Variants in CEP57L1 observed in about 807,000 individuals in gnomAD.
CEP57L1 encodes the protein centrosomal protein 57 like 1, also known as centrosomal protein CEP57L1.
CEP57L1 carries 37 observed loss-of-function variants against 61.0 expected under a neutral mutation model. The ratio of observed to expected loss-of-function variants is 0.61; its 90% CI spans 0.47 to 0.80. The LOEUF (loss-of-function observed/expected upper bound fraction) is 0.80. CEP57L1 is among the 30% of genes least tolerant of loss of function. The probability of loss-of-function intolerance (pLI) is 0.00; values close to 1 mark genes in which losing one functional copy is unlikely to be tolerated. For synonymous variants in CEP57L1, 137 were observed against 162.3 expected, an observed-to-expected ratio of 0.84 and a Z score of 1.19; for missense variants, 422 against 524.7, an observed-to-expected ratio of 0.80 and a Z score of 1.91.
At chr6:109,112,705 G>A (rs1211163086) in intron 1 of CEP57L1, among the ~76,000 whole-genome samples, 1 of 152,074 alleles carries the variant, frequency 6.6e-6, no homozygotes, top group African/African-American at 2.4e-5. Flanking sequence ...ATTCTGGTAC[G>A]TTGTGTCTTT....
intron 1 of CEP57L1, among the ~76,000 whole-genome samples, chr6:109,119,641 A>T (rs1417135843): frequency 6.6e-6 from 1 of 152,208 alleles, no homozygotes; most frequent in African/African-American, 2.4e-5. Flanking sequence ...TTGACAAAAA[A>T]ATATTATCTT....
chr6:109,122,732 G>T (rs934680186), intron 1 of CEP57L1, among the ~76,000 whole-genome samples: 1 of 152,068 alleles, frequency 6.6e-6, no homozygotes, highest in Non-Finnish European at 1.5e-5. Context: ...AACCCAACCC[G>T]GGAGGCGTAG....
At chr6:109,108,876 A>C (rs1290666075) in intron 1 of CEP57L1, among the ~76,000 whole-genome samples, 1 of 152,218 alleles carries the variant, frequency 6.6e-6, no homozygotes, top group Non-Finnish European at 1.5e-5. Flanking sequence ...GTACTTTTGA[A>C]GGTACACTAA....
At chr6:109,142,345 G>A (rs1771474491) in intron 1 of CEP57L1, among the ~76,000 whole-genome samples, 1 of 152,152 alleles carries the variant, frequency 6.6e-6, no homozygotes, top group Non-Finnish European at 1.5e-5. Context: ...ATCATCCTTG[G>A]CAACCTAACA....
intron 7 of CEP57L1, chr6:109,156,471 G>C (rs1335812870): frequency 1.3e-5 from 2 of 152,048 alleles, no homozygotes; most frequent in African/African-American, 4.8e-5. Flanking sequence ...GTACTTTATA[G>C]ACCAATATTT....
rs1273795059 is a variant in CEP57L1, at chr6:109,145,381, G to T, written c.160G>T (p.Ala54Ser). 4 of 1,557,846 alleles carry T rather than the reference G, an allele frequency of 2.6e-6. No homozygotes were observed. The South Asian group carries it at 4.9e-5, about 19-fold the overall frequency. ...GATACTTCATAGCCCAAATAGCCAA[G>T]GTAATGCTGATATAAAATTTGAAGA... ...PKILHSPNSQ[A>S]LILALKTLQE... Residue 54 changes from alanine to serine, a missense_variant and splice_region_variant, in exon 2 of 11, where the codon GCT (alanine) becomes TCT (serine). By Grantham distance (99) the Ala-to-Ser change is moderately conservative. Coordinates refer to ENST00000517392, the MANE Select transcript of CEP57L1 (RefSeq NM_001271852.3).
At position 109,174,109 on chromosome 6, in the gene CEP57L1, A is replaced by AAAAAAAAAAAAC. The variant is rs759389630; in HGVS notation, c.*11144_*11145insAAAAAACAAAAA. Among the ~76,000 whole-genome samples the AAAAAAAAAAAAC allele has an allele frequency of 4.0e-4, 59 of 148,348 alleles. 1 individual carries two copies. Among genetic ancestry groups the AAAAAAAAAAAAC allele is most frequent in the South Asian group, 3.2e-3 (15 of 4,652 alleles). ...AGTGAGTCTTGGTCTCAAAAAAAAAAAAAAACCTTGTGTTGGAAACCATCT... is the reference window on the plus strand; with the variant it reads ...AGTGAGTCTTGGTCTCAAAAAAAAAAAAAAAAAAAAACAAAAACCTTGTGTTGGAAACCATCT... On this transcript the variant is annotated 3_prime_UTR_variant, in exon 11 of 11. Coordinates refer to ENST00000517392, the MANE Select transcript of CEP57L1 (RefSeq NM_001271852.3).
At chr6:109,113,258 C>G (rs890630759) in intron 1 of CEP57L1, among the ~76,000 whole-genome samples, 1 of 152,028 alleles carries the variant, frequency 6.6e-6, no homozygotes, top group African/African-American at 2.4e-5. Context: ...TCATAATTTT[C>G]TTTGTAACAT....
intron 1 of CEP57L1, among the ~76,000 whole-genome samples, chr6:109,119,747 T>C (rs1025085384): frequency 3.3e-5 from 5 of 152,222 alleles, no homozygotes; most frequent in Middle Eastern, 3.4e-3. Context: ...GGTGTAAAAA[T>C]TAGGTTTGTG....
At chr6:109,152,635 G>A (rs904897936) in intron 4 of CEP57L1, among the ~76,000 whole-genome samples, 5 of 75,572 alleles carry the variant, frequency 6.6e-5, no homozygotes, top group Admixed American at 3.6e-4. Flanking sequence ...AGATGTGCGT[G>A]CGTGTGTGTG....
Position 109,113,611 on chromosome 6 carries a change from A to G in CEP57L1, c.-4+18036A>G, listed in dbSNP as rs117790413. ...TATGATGTCAAAGATTATAAGTCAC[A>G]GCATTATTTTATGTATCACAAAGAA... On this transcript the variant is annotated intron_variant, in intron 1 of 10. Transcript: ENST00000517392. Among the ~76,000 whole-genome samples the G allele has an allele frequency of 5.0e-4, 76 of 152,326 alleles. 2 individuals carry two copies. The East Asian group carries it at 0.015, about 29-fold the overall frequency.
chr6:109,115,053 G>T (rs1280546718), intron 1 of CEP57L1, among the ~76,000 whole-genome samples: 1 of 151,942 alleles, frequency 6.6e-6, no homozygotes, highest in East Asian at 1.9e-4. Flanking sequence ...AAATTAATCA[G>T]ATAAACCATG....
In CEP57L1 at chr6:109,171,403, T is replaced by C; in HGVS notation, c.*8433T>C. On this transcript the variant is annotated 3_prime_UTR_variant, in exon 11 of 11. Transcript: ENST00000517392. ...ACAGGCATGCGTCACCACACCCGGC[T>C]GTTTTTTTTTTTCGCATTTTTAATA... 6.7e-6 allele frequency among the ~76,000 whole-genome samples: 1 copy of C among 148,884 alleles called. No homozygotes were observed. Among genetic ancestry groups the C allele is most frequent in the African/African-American group, 2.6e-5 (1 of 38,952 alleles).
chr6:109,113,887 C>G (rs893641141), intron 1 of CEP57L1, among the ~76,000 whole-genome samples: 10 of 152,068 alleles, frequency 6.6e-5, no homozygotes, highest in African/African-American at 2.4e-4. Flanking sequence ...TAAAGGAAGG[C>G]AAATGGGTAC....
In CEP57L1 at chr6:109,158,862, T is replaced by C; in HGVS notation, c.745-163T>C. 1.2e-5 allele frequency: 8 copies of C among 650,858 alleles called. No homozygotes were observed. In the South Asian group the frequency reaches 1.6e-4, roughly 13 times the overall value. 40.3% of individuals were successfully genotyped at this position (650,858 alleles called of 1,614,324 possible). ...ATAATTAATGATGTTGAATATCTTTTCGTATGTTTGTCATACGTATGTCTA... is the reference window on the plus strand; with the variant it reads ...ATAATTAATGATGTTGAATATCTTTCCGTATGTTTGTCATACGTATGTCTA... On this transcript the variant is annotated intron_variant, in intron 7 of 10. Transcript: ENST00000517392.
chr6:109,122,966 A>G (rs1773147489), intron 1 of CEP57L1, among the ~76,000 whole-genome samples: 1 of 152,188 alleles, frequency 6.6e-6, no homozygotes. Flanking sequence ...ACTTTAATTT[A>G]TATAAGAATC....
At chr6:109,118,107 C>G (rs970240363) in intron 1 of CEP57L1, among the ~76,000 whole-genome samples, 1 of 152,226 alleles carries the variant, frequency 6.6e-6, no homozygotes, top group Non-Finnish European at 1.5e-5. Flanking sequence ...ACGGTCTCGG[C>G]TCACTGCAAC....
chr6:109,148,362 T>C (rs1198655376), intron 3 of CEP57L1, among the ~76,000 whole-genome samples: 6 of 151,562 alleles, frequency 4.0e-5, no homozygotes, highest in African/African-American at 1.5e-4. Context: ...AGTGAGAACA[T>C]GCGGTGTTTG....
rs1411336375 is a variant in CEP57L1, at chr6:109,171,325, G to A, written c.*8355G>A. 3.3e-5 allele frequency among the ~76,000 whole-genome samples: 5 copies of A among 150,676 alleles called. No homozygotes were observed. The highest frequency in any genetic ancestry group is 9.8e-5 in the African/African-American group (4 of 40,868). On this transcript the variant is annotated 3_prime_UTR_variant, in exon 11 of 11. Transcript: ENST00000517392. ...GCGATCTCAGCTCACTGCAACCTCCGCCTCCCAGGTTCAAGCGATTCTTCT... is the reference window on the plus strand; with the variant it reads ...GCGATCTCAGCTCACTGCAACCTCCACCTCCCAGGTTCAAGCGATTCTTCT...
Sources: gnomAD v4.1 joint callset for allele counts (sites outside exome capture counted in the v4.1 genomes callset) on GRCh38, gnomAD v4.1.1 for gene constraint, MANE v1.5 for transcripts, NCBI Gene and HGNC (gene_info 2026-07-23, HGNC 2026-07-21) for gene names.